Variants in SEMA3D observed in about 807,000 individuals in gnomAD.
SEMA3D encodes the protein semaphorin-3D.
A neutral mutation model predicts 100.1 loss-of-function variants in SEMA3D; 84 were observed. The ratio of observed to expected loss-of-function variants is 0.84; its 90% CI spans 0.70 to 1.01. SEMA3D has a LOEUF of 1.01. Ranked by LOEUF, SEMA3D falls within the 50% of genes least tolerant of loss-of-function variation. The probability of loss-of-function intolerance (pLI) is 0.00; values close to 1 mark genes in which losing one functional copy is unlikely to be tolerated. For synonymous variants in SEMA3D, 312 were observed against 320.7 expected (o/e 0.97, Z 0.29); for missense variants, 875 against 934.1 (o/e 0.94, Z 0.82).
At chr7:85,073,565 T>C (rs961198916) in intron 5 of SEMA3D, among the ~76,000 whole-genome samples, 25 of 152,120 alleles carry the variant, frequency 1.6e-4, no homozygotes, top group Admixed American at 1.4e-3. Flanking sequence ...CCTTACTTTC[T>C]ACAAGAAATA....
chr7:85,046,732 TC>T (rs775095151), intron 9 of SEMA3D, among the ~76,000 whole-genome samples: 6 of 152,060 alleles, frequency 3.9e-5, no homozygotes, highest in East Asian at 3.9e-4. Context: ...AGTTTCTCAG[TC>T]CCTGGATTTG....
At chr7:85,106,661 C>T (rs968260334) in intron 3 of SEMA3D, among the ~76,000 whole-genome samples, 1 of 151,986 alleles carries the variant, frequency 6.6e-6, no homozygotes, top group African/African-American at 2.4e-5. Context: ...CCTCAAACTG[C>T]TGTGAAGAAA....
intron 12 of SEMA3D, among the ~76,000 whole-genome samples, chr7:85,023,587 C>A (rs1228865105): frequency 6.6e-6 from 1 of 151,648 alleles, no homozygotes; most frequent in East Asian, 2.0e-4. Flanking sequence ...TTTAATGGTG[C>A]TTTTCTTTGT....
At chr7:85,228,801 T>G in the SEMA3D span, among the ~76,000 whole-genome samples, 1 of 152,112 alleles carries the variant, frequency 6.6e-6, no homozygotes, top group Non-Finnish European at 1.5e-5. Context: ...GAAGAAATCA[T>G]GAACACATTT....
At chr7:85,052,543 G>A (rs78839948) in intron 9 of SEMA3D, among the ~76,000 whole-genome samples, 1,814 of 152,044 alleles carry the variant, frequency 0.012, 45 homozygotes, top group African/African-American at 0.04. Flanking sequence ...TGCCTGAAAT[G>A]CCTGGCCTCC....
intron 2 of SEMA3D, among the ~76,000 whole-genome samples, chr7:85,148,932 C>A (rs1380311497): frequency 1.3e-5 from 2 of 151,790 alleles, no homozygotes; most frequent in Non-Finnish European, 2.9e-5. Context: ...AAGCTTTTAA[C>A]TTAGTTAAAT....
At position 85,055,838 on chromosome 7, in the gene SEMA3D, A is replaced by G. The variant is rs1223046103; in HGVS notation, c.740T>C (p.Phe247Ser). Residue 247 changes from phenylalanine to serine, a missense_variant, in exon 9 of 19, where the codon TTC (phenylalanine) becomes TCC (serine). By Grantham distance (155) the Phe-to-Ser change is radical. Coordinates refer to ENST00000284136, the MANE Select transcript of SEMA3D (RefSeq NM_001384900.1). ...WLNGAKFIGTFFIPDTYNPDD... is the reference protein window; with the variant it reads ...WLNGAKFIGTSFIPDTYNPDD... ...TGGATTGTAGGTGTCTGGTATGAAG[A>G]AAGTTCCAATAAATTTTGCTCCTGT... The G allele has an allele frequency of 6.4e-7, 1 of 1,568,892 alleles. No homozygotes were observed. The highest frequency in any genetic ancestry group is 2.3e-5 in the East Asian group (1 of 43,524).
chr7:85,231,533 C>T, the SEMA3D span, among the ~76,000 whole-genome samples: 1 of 147,092 alleles, frequency 6.8e-6, no homozygotes, highest in Non-Finnish European at 1.5e-5. Flanking sequence ...TCACTGCAAG[C>T]TCCGCCTCCC....
At chr7:85,232,089 A>G in the SEMA3D span, among the ~76,000 whole-genome samples, 1 of 152,162 alleles carries the variant, frequency 6.6e-6, no homozygotes, top group African/African-American at 2.4e-5. Flanking sequence ...AGATATAGGA[A>G]TATGATCTGG....
chr7:85,138,628 ATAAAT>A (rs1427250197), intron 2 of SEMA3D, among the ~76,000 whole-genome samples: 1 of 140,918 alleles, frequency 7.1e-6, no homozygotes, highest in East Asian at 2.0e-4. Context: ...TTTATAATAT[ATAAAT>A]TAAATTATAT....
intron 1 of SEMA3D, among the ~76,000 whole-genome samples, chr7:85,175,109 C>T (rs573070002): frequency 6.6e-5 from 10 of 152,058 alleles, no homozygotes; most frequent in Non-Finnish European, 1.3e-4. Flanking sequence ...TGGTTTTGTA[C>T]TGCTAAATAG....
At chr7:85,237,853 C>T in the SEMA3D span, among the ~76,000 whole-genome samples, 3 of 152,098 alleles carry the variant, frequency 2.0e-5, no homozygotes, top group East Asian at 5.8e-4. Context: ...ACCACAATTC[C>T]AAGGGAGCTG....
intron 1 of SEMA3D, among the ~76,000 whole-genome samples, chr7:85,155,531 CA>C (rs1249519230): frequency 6.6e-6 from 1 of 151,972 alleles, no homozygotes. Flanking sequence ...GTGTAACATG[CA>C]AAAGTACACA....
intron 12 of SEMA3D, among the ~76,000 whole-genome samples, chr7:85,029,894 A>T (rs986835097): frequency 6.6e-6 from 1 of 152,066 alleles, no homozygotes; most frequent in Non-Finnish European, 1.5e-5. Context: ...GTAAGTGGAA[A>T]ATGCAATGTC....
At chr7:85,212,244 C>G in the SEMA3D span, among the ~76,000 whole-genome samples, 1 of 152,070 alleles carries the variant, frequency 6.6e-6, no homozygotes, top group Non-Finnish European at 1.5e-5. Context: ...AGGGAGGGCA[C>G]CTCTCAAACG....
intron 2 of SEMA3D, among the ~76,000 whole-genome samples, chr7:85,134,840 G>T (rs935235854): frequency 6.6e-6 from 1 of 151,910 alleles, no homozygotes; most frequent in Non-Finnish European, 1.5e-5. Context: ...AAAACTTTGT[G>T]TCTCCCCAAG....
At position 85,097,850 on chromosome 7, in the gene SEMA3D, G is replaced by A; in HGVS notation, c.267C>T (p.His89=). The A allele has an allele frequency of 6.2e-7, 1 of 1,608,448 alleles. No individual in the cohort carries two copies. Among genetic ancestry groups the A allele is most frequent in the Non-Finnish European group, 8.5e-7 (1 of 1,175,908 alleles). ...AGTCAACCAGACTGAGTAGAAAGAT[G>A]TGGTCTTTGGCTCCCAAGAGCAGCC... The part of the protein sequence containing the change: ...RGRLLLGAKD[H]IFLLSLVDLN... The change falls in exon 4 of 19, where the codon CAC becomes CAT. Residue 89 remains histidine, a synonymous_variant. Transcript: ENST00000284136.
chr7:85,037,496 TA>T (rs1790733833), intron 11 of SEMA3D, among the ~76,000 whole-genome samples: 1 of 152,304 alleles, frequency 6.6e-6, no homozygotes, highest in Non-Finnish European at 1.5e-5. Context: ...ATTTACTTAT[TA>T]AAAAGAATTA....
chr7:85,225,437 A>G, the SEMA3D span, among the ~76,000 whole-genome samples: 47 of 151,808 alleles, frequency 3.1e-4, no homozygotes, highest in African/African-American at 1.1e-3. Context: ...GAGGGATGTT[A>G]GAAGCCTATG....
Sources: gnomAD v4.1 joint callset for allele counts (sites outside exome capture counted in the v4.1 genomes callset) on GRCh38, gnomAD v4.1.1 for gene constraint, MANE v1.5 for transcripts, NCBI Gene and HGNC (gene_info 2026-07-23, HGNC 2026-07-21) for gene names.